Variants in FSTL5 observed in about 807,000 individuals in gnomAD.
FSTL5 encodes the protein follistatin like 5, also known as follistatin-related protein 5.
A neutral mutation model predicts 89.1 loss-of-function variants in FSTL5; 62 were observed. The observed-to-expected ratio is 0.70, with a 90% CI of 0.57 to 0.86. The LOEUF (loss-of-function observed/expected upper bound fraction) is 0.86. FSTL5 is among the 40% of genes least tolerant of loss of function. The pLI is 0.00. For missense variants in FSTL5, 1,057 were observed against 1,001.6 expected (o/e 1.06, Z -0.75); for synonymous variants, 383 against 346.2 (o/e 1.11, Z -1.18).
intron 10 of FSTL5, among the ~76,000 whole-genome samples, chr4:161,524,680 C>T (rs1457562525): frequency 1.3e-5 from 2 of 152,136 alleles, no homozygotes; most frequent in African/African-American, 4.8e-5. Flanking sequence ...ATTCGCTGGC[C>T]TGGGAACGGT....
intron 1 of FSTL5, among the ~76,000 whole-genome samples, chr4:162,113,643 G>A (rs1731529987): frequency 6.6e-6 from 1 of 152,070 alleles, no homozygotes; most frequent in South Asian, 2.1e-4. Context: ...CACCTCCTGC[G>A]ACACTAAACT....
At chr4:161,502,580 C>G (rs1469089541) in intron 11 of FSTL5, among the ~76,000 whole-genome samples, 1 of 151,838 alleles carries the variant, frequency 6.6e-6, no homozygotes, top group Non-Finnish European at 1.5e-5. Flanking sequence ...TGCCTATATA[C>G]TGGTAACTCA....
At chr4:161,869,871 T>A (rs1308300081) in intron 4 of FSTL5, among the ~76,000 whole-genome samples, 2 of 152,170 alleles carry the variant, frequency 1.3e-5, no homozygotes, top group Non-Finnish European at 1.5e-5. Context: ...AATGCAGAAA[T>A]CATATTCAAG....
intron 6 of FSTL5, among the ~76,000 whole-genome samples, chr4:161,727,119 T>G (rs1463296051): frequency 1.3e-5 from 2 of 152,154 alleles, no homozygotes; most frequent in Non-Finnish European, 2.9e-5. Flanking sequence ...AAGAAATATA[T>G]TTCTTTTGTG....
chr4:161,993,270 A>C (rs1736190709), intron 3 of FSTL5, among the ~76,000 whole-genome samples: 1 of 151,994 alleles, frequency 6.6e-6, no homozygotes, highest in Non-Finnish European at 1.5e-5. Flanking sequence ...CATTTTAAAA[A>C]TGACAAGGCT....
At chr4:162,056,931 A>G (rs1738563064) in intron 2 of FSTL5, among the ~76,000 whole-genome samples, 1 of 152,218 alleles carries the variant, frequency 6.6e-6, no homozygotes, top group Non-Finnish European at 1.5e-5. Flanking sequence ...TAAAAATACT[A>G]TTATTTAACT....
chr4:161,664,123 G>A (rs1290499342), intron 6 of FSTL5, among the ~76,000 whole-genome samples: 2 of 152,172 alleles, frequency 1.3e-5, no homozygotes, highest in Non-Finnish European at 2.9e-5. Flanking sequence ...GTGATGGGAC[G>A]GGCTGCGGTG....
intron 12 of FSTL5, among the ~76,000 whole-genome samples, chr4:161,487,310 A>G (rs1729713327): frequency 6.6e-6 from 1 of 152,306 alleles, no homozygotes; most frequent in East Asian, 1.9e-4. Context: ...ACACTATGCA[A>G]TGTCATGCAG....
intron 8 of FSTL5, among the ~76,000 whole-genome samples, chr4:161,556,840 G>A (rs1454059235): frequency 7.5e-6 from 1 of 133,188 alleles, no homozygotes; most frequent in Admixed American, 7.5e-5. Flanking sequence ...GTGTGTGTGT[G>A]TGTGTGTATA....
intron 6 of FSTL5, among the ~76,000 whole-genome samples, chr4:161,683,092 T>C (rs1028949626): frequency 3.3e-5 from 5 of 152,170 alleles, no homozygotes; most frequent in African/African-American, 1.2e-4. Context: ...AAAATAAAAA[T>C]GAAAAGTATA....
At chr4:161,444,673 A>C (rs1732885140) in intron 15 of FSTL5, among the ~76,000 whole-genome samples, 1 of 151,856 alleles carries the variant, frequency 6.6e-6, no homozygotes, top group African/African-American at 2.4e-5. Context: ...TATGGTGTAG[A>C]TCTGTTATGA....
In FSTL5 at chr4:162,092,649, G is replaced by A. The variant is rs75325954; in HGVS notation, c.126+18622C>T. ...ACCCAAAAATTCTAACAACTGGCAC[G>A]TAATTCAAAAGATAGCTGAGGCCAG... On this transcript the variant is annotated intron_variant, in intron 2 of 15. Coordinates refer to ENST00000306100, the MANE Select transcript of FSTL5 (RefSeq NM_020116.5). Among the ~76,000 whole-genome samples, 418 of 151,966 alleles carry A rather than the reference G, an allele frequency of 2.8e-3. 3 individuals carry two copies. The highest frequency in any genetic ancestry group is 9.6e-3 in the African/African-American group (397 of 41,480).
At chr4:161,453,547 T>A (rs1367842898) in intron 15 of FSTL5, among the ~76,000 whole-genome samples, 1 of 152,158 alleles carries the variant, frequency 6.6e-6, no homozygotes, top group Admixed American at 6.5e-5. Context: ...TTTCATCAGA[T>A]ATTCTGTAGT....
At chr4:161,642,513 A>C (rs1361775603) in intron 7 of FSTL5, among the ~76,000 whole-genome samples, 1 of 152,238 alleles carries the variant, frequency 6.6e-6, no homozygotes, top group African/African-American at 2.4e-5. Context: ...AATAGTAACC[A>C]AAATACAGCA....
At chr4:162,147,845 A>T (rs1733062544) in intron 1 of FSTL5, among the ~76,000 whole-genome samples, 1 of 152,010 alleles carries the variant, frequency 6.6e-6, no homozygotes, top group Non-Finnish European at 1.5e-5. Flanking sequence ...CTCTACTAAA[A>T]CTACAAAAAA....
In FSTL5 at chr4:161,967,301, G is replaced by T. The variant is rs537080028; in HGVS notation, c.161-46649C>A. Among the ~76,000 whole-genome samples the T allele has an allele frequency of 4.5e-4, 69 of 151,798 alleles. 1 individual carries two copies. In the South Asian group the frequency reaches 0.013, roughly 29 times the overall value. ...AAAATTTTCTTTGACTCATCTGGAAGGTTTATTGAGCAAGAAACAAGAAAA... is the reference window on the plus strand; with the variant it reads ...AAAATTTTCTTTGACTCATCTGGAATGTTTATTGAGCAAGAAACAAGAAAA... On this transcript the variant is annotated intron_variant, in intron 3 of 15. Coordinates refer to ENST00000306100, the MANE Select transcript of FSTL5 (RefSeq NM_020116.5).
At chr4:162,161,647 C>G (rs577541530) in intron 1 of FSTL5, among the ~76,000 whole-genome samples, 1 of 151,856 alleles carries the variant, frequency 6.6e-6, no homozygotes, top group South Asian at 2.1e-4. Flanking sequence ...TAAAGACATA[C>G]ATCTTGGAAA....
intron 8 of FSTL5, among the ~76,000 whole-genome samples, chr4:161,586,511 A>T (rs1353847412): frequency 6.6e-6 from 1 of 152,166 alleles, no homozygotes; most frequent in African/African-American, 2.4e-5. Context: ...GTACTTTTAA[A>T]ATATATTCCA....
At chr4:161,572,010 T>G (rs2126586693) in intron 8 of FSTL5, among the ~76,000 whole-genome samples, 1 of 152,104 alleles carries the variant, frequency 6.6e-6, no homozygotes, top group East Asian at 1.9e-4. Context: ...TCTCTTGTAG[T>G]AGAATGCACT....
Sources: gnomAD v4.1 joint callset for allele counts (sites outside exome capture counted in the v4.1 genomes callset) on GRCh38, gnomAD v4.1.1 for gene constraint, MANE v1.5 for transcripts, NCBI Gene and HGNC (gene_info 2026-07-23, HGNC 2026-07-21) for gene names.